The following CLASP2 variants were observed in gnomAD, a reference collection of about 807,000 sequenced individuals.
CLASP2 encodes the protein CLIP-associating protein 2.
A neutral mutation model predicts 194.4 loss-of-function variants in CLASP2; 47 were observed. The ratio of observed to expected loss-of-function variants is 0.24; its 90% CI spans 0.19 to 0.31. CLASP2 has a LOEUF of 0.31. Ranked by LOEUF, CLASP2 falls within the 10% of genes least tolerant of loss-of-function variation. The pLI, the probability that CLASP2 is intolerant of heterozygous loss-of-function variation, is 1.00. For synonymous variants in CLASP2, 619 were observed against 633.5 expected (o/e 0.98, Z 0.34); for missense variants, 1,445 against 1,823.6 (o/e 0.79, Z 3.78).
At chr3:33,511,042 T>C (rs1296832868) in intron 36 of CLASP2, among the ~76,000 whole-genome samples, 1 of 150,168 alleles carries the variant, frequency 6.7e-6, no homozygotes, top group Non-Finnish European at 1.5e-5. Context: ...TTTTTTTTTT[T>C]TTTTTTTTGA....
At chr3:33,673,474 G>A (rs1322108672) in intron 6 of CLASP2, among the ~76,000 whole-genome samples, 1 of 152,156 alleles carries the variant, frequency 6.6e-6, no homozygotes, top group East Asian at 1.9e-4. Context: ...ACCAGTACCA[G>A]CCACTGCAAA....
At chr3:33,643,602 T>C (rs1281184544) in intron 8 of CLASP2, among the ~76,000 whole-genome samples, 2 of 152,132 alleles carry the variant, frequency 1.3e-5, no homozygotes, top group Non-Finnish European at 1.5e-5. Flanking sequence ...TATTTAGTTA[T>C]ATGTGCATCT....
intron 23 of CLASP2, chr3:33,577,221 G>C: frequency 1.9e-6 from 3 of 1,597,586 alleles, no homozygotes; most frequent in South Asian, 1.1e-5. Context: ...CATACACTTC[G>C]GGGGCGTAGA....
At chr3:33,586,779 G>C (rs942853478) in intron 21 of CLASP2, among the ~76,000 whole-genome samples, 1 of 152,106 alleles carries the variant, frequency 6.6e-6, no homozygotes, top group African/African-American at 2.4e-5. Context: ...TAAGAGGGCT[G>C]TATGATTATA....
chr3:33,656,728 T>A (rs896826041), intron 7 of CLASP2, among the ~76,000 whole-genome samples: 2 of 152,156 alleles, frequency 1.3e-5, no homozygotes, highest in Non-Finnish European at 2.9e-5. Flanking sequence ...GTAAACAAAT[T>A]TCTATAGAAG....
intron 1 of CLASP2, among the ~76,000 whole-genome samples, chr3:33,715,764 TG>T (rs1457004934): frequency 1.3e-5 from 2 of 148,218 alleles, no homozygotes; most frequent in Admixed American, 1.4e-4. Context: ...AAACTGAAAT[TG>T]AAGTATGATT....
intron 1 of CLASP2, among the ~76,000 whole-genome samples, chr3:33,703,784 C>T (rs1043572989): frequency 2.0e-5 from 3 of 152,216 alleles, no homozygotes; most frequent in African/African-American, 7.2e-5. Flanking sequence ...CCATGCCCAG[C>T]CCACACTCAT....
At chr3:33,595,015 T>G in intron 19 of CLASP2, 47 bp from the exon 20 acceptor site, 1 of 1,304,532 alleles carries the variant, frequency 7.7e-7, no homozygotes, top group Non-Finnish European at 1.0e-6. Flanking sequence ...CTGCCAATGT[T>G]GATATTAAGA....
At chr3:33,642,418 T>C (rs879226277) in intron 8 of CLASP2, among the ~76,000 whole-genome samples, 17 of 151,934 alleles carry the variant, frequency 1.1e-4, no homozygotes, top group Non-Finnish European at 1.2e-4. Flanking sequence ...TTTGTTCTTC[T>C]ACCAAGAAAA....
intron 19 of CLASP2, 183 bp downstream of exon 19, chr3:33,596,528 C>A: frequency 1.6e-6 from 1 of 617,760 alleles, no homozygotes; most frequent in East Asian, 2.8e-5. Context: ...TATGGTATGC[C>A]CAATAGATAT....
At chr3:33,596,428 G>A (rs1001942337) in intron 19 of CLASP2, among the ~76,000 whole-genome samples, 22 of 151,940 alleles carry the variant, frequency 1.4e-4, no homozygotes, top group African/African-American at 2.9e-4. Context: ...TTAACGAATC[G>A]AGAATATTCA....
chr3:33,689,201 G>A lies in CLASP2; in HGVS notation c.378+628C>T, dbSNP rs554326759. On this transcript the variant is annotated intron_variant, in intron 3 of 38. Coordinates refer to ENST00000682230, the MANE Select transcript of CLASP2 (RefSeq NM_001365631.1). ...CAAAAAAAAAAAAAATCTTAAATGTGAGTAACCTGACTCACCAATACTACC... is the reference window on the plus strand; with the variant it reads ...CAAAAAAAAAAAAAATCTTAAATGTAAGTAACCTGACTCACCAATACTACC... 4.7e-4 allele frequency among the ~76,000 whole-genome samples: 71 copies of A among 151,556 alleles called. 1 individual carries two copies. Among genetic ancestry groups the A allele is most frequent in the Middle Eastern group, 6.9e-3 (2 of 290 alleles).
At chr3:33,629,235 GT>G (rs1461963025) in intron 9 of CLASP2, among the ~76,000 whole-genome samples, 1 of 152,130 alleles carries the variant, frequency 6.6e-6, no homozygotes, top group African/African-American at 2.4e-5. Context: ...TGAGACTTTT[GT>G]TTTTTAAACT....
chr3:33,540,490 C>T (rs910302086), intron 32 of CLASP2, among the ~76,000 whole-genome samples: 3 of 152,050 alleles, frequency 2.0e-5, no homozygotes, highest in African/African-American at 7.2e-5. Flanking sequence ...GATCCTCCTG[C>T]CTTGGCCTCC....
At chr3:33,521,102 C>T (rs1443875755) in intron 34 of CLASP2, among the ~76,000 whole-genome samples, 1 of 151,930 alleles carries the variant, frequency 6.6e-6, no homozygotes, top group African/African-American at 2.4e-5. Flanking sequence ...TCCTGTTGGT[C>T]AAATCAAGGG....
At chr3:33,637,042 AGG>A (rs1221246595) in intron 8 of CLASP2, among the ~76,000 whole-genome samples, 1 of 152,242 alleles carries the variant, frequency 6.6e-6, no homozygotes, top group Non-Finnish European at 1.5e-5. Context: ...TTAAATACGT[AGG>A]TAAGCTGACT....
chr3:33,633,334 A>G (rs2079454051), intron 8 of CLASP2, among the ~76,000 whole-genome samples: 1 of 152,114 alleles, frequency 6.6e-6, no homozygotes, highest in Admixed American at 6.5e-5. Context: ...GTCCCCAACC[A>G]ATAAGTGGGG....
At chr3:33,714,701 C>T (rs2093206980) in intron 1 of CLASP2, among the ~76,000 whole-genome samples, 1 of 152,142 alleles carries the variant, frequency 6.6e-6, no homozygotes, top group Non-Finnish European at 1.5e-5. Flanking sequence ...ATAGTCGACT[C>T]TCCACAAAGC....
intron 36 of CLASP2, among the ~76,000 whole-genome samples, chr3:33,511,030 ATTT>A (rs397875429): frequency 1.3e-4 from 14 of 105,844 alleles, no homozygotes; most frequent in Admixed American, 3.0e-4. Context: ...TGGCTAAAGT[ATTT>A]TTTTTTTTTT....
Sources: gnomAD v4.1 joint callset for allele counts (sites outside exome capture counted in the v4.1 genomes callset) on GRCh38, gnomAD v4.1.1 for gene constraint, MANE v1.5 for transcripts, NCBI Gene and HGNC (gene_info 2026-07-23, HGNC 2026-07-21) for gene names.